Variants in ARL6IP6 observed in about 807,000 individuals in gnomAD.
ARL6IP6 encodes the protein ADP-ribosylation factor-like protein 6-interacting protein 6.
A neutral mutation model predicts 21.5 loss-of-function variants in ARL6IP6; 22 were observed. The ratio of observed to expected loss-of-function variants is 1.02; its 90% CI spans 0.73 to 1.46. ARL6IP6 has a LOEUF of 1.46. ARL6IP6 is among the 40% of genes most tolerant of loss of function. The pLI is 0.00. For synonymous variants in ARL6IP6, 164 were observed against 125.3 expected, an observed-to-expected ratio of 1.31 and a Z score of -2.06; for missense variants, 388 against 299.8, an observed-to-expected ratio of 1.29 and a Z score of -2.17.
intron 3 of ARL6IP6, among the ~76,000 whole-genome samples, chr2:152,756,811 A>G (rs937874058): frequency 3.3e-5 from 5 of 152,228 alleles, no homozygotes. Flanking sequence ...ACTTAAACTC[A>G]TACGTTGATA....
At chr2:152,743,099 A>AG (rs1700892638) in intron 3 of ARL6IP6, among the ~76,000 whole-genome samples, 2 of 105,506 alleles carry the variant, frequency 1.9e-5, no homozygotes, top group African/African-American at 7.5e-5. Context: ...TTGCTAAATC[A>AG]AAAGACTTTC....
chr2:152,733,125 T>G (rs1700399127), intron 2 of ARL6IP6, among the ~76,000 whole-genome samples: 1 of 152,196 alleles, frequency 6.6e-6, no homozygotes. Context: ...CGTTTTAGAA[T>G]TTAGTCTGGT....
chr2:152,725,383 T>C (rs958201242), intron 2 of ARL6IP6, among the ~76,000 whole-genome samples: 1 of 152,184 alleles, frequency 6.6e-6, no homozygotes, highest in Non-Finnish European at 1.5e-5. Flanking sequence ...TAAGTATTTT[T>C]TTCATCTTTT....
chr2:152,755,528 G>A (rs1357159740), intron 3 of ARL6IP6, among the ~76,000 whole-genome samples: 1 of 152,138 alleles, frequency 6.6e-6, no homozygotes, highest in Admixed American at 6.5e-5. Context: ...AGTACTAAAA[G>A]TCTCTGATAT....
chr2:152,731,562 A>T (rs1277241802), intron 2 of ARL6IP6, among the ~76,000 whole-genome samples: 1 of 152,192 alleles, frequency 6.6e-6, no homozygotes, highest in South Asian at 2.1e-4. Context: ...AAAGATTCTG[A>T]TACGACCTCC....
At position 152,733,046 on chromosome 2, in the gene ARL6IP6, AG is replaced by A. The variant is rs1700394806; in HGVS notation, c.455-1946del. Among the ~76,000 whole-genome samples the A allele has an allele frequency of 2.0e-5, 3 of 152,118 alleles. No individual in the cohort carries two copies. In the South Asian group the frequency reaches 6.2e-4, roughly 32 times the overall value. ...GGTTAGAAAGGTCTTTATCTCTCCA[AG>A]GCTATAAATGACTTTTCCAGTTTTT... On this transcript the variant is annotated intron_variant, in intron 2 of 3. Coordinates refer to ENST00000326446, the MANE Select transcript of ARL6IP6 (RefSeq NM_152522.7).
In ARL6IP6 at chr2:152,718,802, T is replaced by C. The variant is rs1573997697; in HGVS notation, c.178T>C (p.Ser60Pro). 6.2e-7 allele frequency: 1 copy of C among 1,606,824 alleles called. No homozygotes were observed. The highest frequency in any genetic ancestry group is 8.5e-7 in the Non-Finnish European group (1 of 1,176,596). ...QVARDLRAEF[S>P]AGAWSEPRKR... ...GGCCCGCGACCTGCGGGCGGAGTTC[T>C]CGGCTGGGGCGTGGTCAGAGCCCAG... Residue 60 changes from serine to proline, a missense_variant, in exon 1 of 4, where the codon TCG becomes CCG. By Grantham distance (74) the Ser-to-Pro change is moderately conservative. Coordinates refer to ENST00000326446, the MANE Select transcript of ARL6IP6 (RefSeq NM_152522.7).
intron 3 of ARL6IP6, among the ~76,000 whole-genome samples, chr2:152,742,403 A>G (rs1700853978): frequency 1.3e-5 from 2 of 151,986 alleles, no homozygotes; most frequent in African/African-American, 4.8e-5. Flanking sequence ...TGCTGCCTCT[A>G]CAAAAAATTT....
chr2:152,728,044 A>G (rs1574023288), intron 2 of ARL6IP6, among the ~76,000 whole-genome samples: 1 of 152,186 alleles, frequency 6.6e-6, no homozygotes, highest in East Asian at 1.9e-4. Context: ...ATGTATAGTC[A>G]TTTAAAATAC....
At chr2:152,747,838 T>C (rs1701129534) in intron 3 of ARL6IP6, among the ~76,000 whole-genome samples, 1 of 152,160 alleles carries the variant, frequency 6.6e-6, no homozygotes, top group Non-Finnish European at 1.5e-5. Context: ...CCCAAAGTGC[T>C]AGGATTGCAG....
At chr2:152,736,973 A>G (rs942698031) in intron 3 of ARL6IP6, among the ~76,000 whole-genome samples, 29 of 152,178 alleles carry the variant, frequency 1.9e-4, no homozygotes, top group African/African-American at 6.8e-4. Context: ...CCAAGGTGCA[A>G]CTGAACTGCT....
chr2:152,748,217 A>G (rs1212405194), intron 3 of ARL6IP6, among the ~76,000 whole-genome samples: 1 of 152,236 alleles, frequency 6.6e-6, no homozygotes, highest in African/African-American at 2.4e-5. Flanking sequence ...CTGATTTCTT[A>G]AATAACAATG....
intron 2 of ARL6IP6, among the ~76,000 whole-genome samples, chr2:152,730,116 T>C (rs1700239053): frequency 6.6e-6 from 1 of 152,202 alleles, no homozygotes; most frequent in Admixed American, 6.5e-5. Context: ...ATGATGCAGC[T>C]TCTGATTAGT....
chr2:152,726,829 C>G (rs1700071864), intron 2 of ARL6IP6, among the ~76,000 whole-genome samples: 1 of 152,054 alleles, frequency 6.6e-6, no homozygotes, highest in African/African-American at 2.4e-5. Context: ...CTTGGTAGTA[C>G]AATATATTGC....
At chr2:152,752,007 C>T (rs1701355637) in intron 3 of ARL6IP6, among the ~76,000 whole-genome samples, 1 of 152,146 alleles carries the variant, frequency 6.6e-6, no homozygotes, top group East Asian at 1.9e-4. Context: ...TAGACTATTA[C>T]ACAGAATTTC....
intron 2 of ARL6IP6, among the ~76,000 whole-genome samples, chr2:152,720,936 A>T (rs1437931963): frequency 6.6e-6 from 1 of 152,144 alleles, no homozygotes; most frequent in Non-Finnish European, 1.5e-5. Context: ...ACAAAAAATA[A>T]ACAGAATTAG....
chr2:152,753,233 A>T (rs1414330119), intron 3 of ARL6IP6, among the ~76,000 whole-genome samples: 3 of 152,174 alleles, frequency 2.0e-5, no homozygotes, highest in Non-Finnish European at 2.9e-5. Flanking sequence ...CTGAATCTTG[A>T]TTACTTCTAC....
At chr2:152,743,140 C>G (rs745514719) in intron 3 of ARL6IP6, among the ~76,000 whole-genome samples, 7 of 151,800 alleles carry the variant, frequency 4.6e-5, no homozygotes, top group Non-Finnish European at 8.8e-5. Context: ...CTCCTAGTAC[C>G]TGTATTCCAC....
upstream of ARL6IP6, chr2:152,717,749 A>G: frequency 7.7e-7 from 1 of 1,297,888 alleles, no homozygotes; most frequent in South Asian, 1.6e-5. Context: ...CCGAGCTTAG[A>G]CCGCCTCACC....
Sources: gnomAD v4.1 joint callset for allele counts (sites outside exome capture counted in the v4.1 genomes callset) on GRCh38, gnomAD v4.1.1 for gene constraint, MANE v1.5 for transcripts, NCBI Gene and HGNC (gene_info 2026-07-23, HGNC 2026-07-21) for gene names.